The following TNNI3K variants were observed in gnomAD, a reference collection of about 807,000 sequenced individuals.
TNNI3K encodes the protein TNNI3 interacting kinase.
Under a neutral mutation model 114.5 loss-of-function variants are expected in TNNI3K, and 140 were observed. That is an observed-to-expected ratio of 1.22 (90% CI 1.07 to 1.41). The LOEUF (loss-of-function observed/expected upper bound fraction) is 1.41, where lower values mean the gene tolerates loss of function less well. TNNI3K is among the 40% of genes most tolerant of loss of function. TNNI3K has a pLI of 0.00. For missense variants in TNNI3K, 1,125 were observed against 1,007.6 expected, an observed-to-expected ratio of 1.12 and a Z score of -1.58; for synonymous variants, 347 against 347.5, an observed-to-expected ratio of 1.00 and a Z score of 0.02.
chr1:74,528,532 C>T (rs928256602), intron 23 of TNNI3K, among the ~76,000 whole-genome samples: 9 of 152,082 alleles, frequency 5.9e-5, no homozygotes, highest in African/African-American at 2.2e-4. Flanking sequence ...GAGATTTGTA[C>T]ATTCAGGGAC....
At chr1:74,254,949 A>G (rs957420642) in intron 4 of TNNI3K, among the ~76,000 whole-genome samples, 1 of 152,126 alleles carries the variant, frequency 6.6e-6, no homozygotes, top group Non-Finnish European at 1.5e-5. Flanking sequence ...TAATTGCTAT[A>G]TTTTGCAAGA....
At chr1:74,292,133 G>A (rs182319269) in intron 5 of TNNI3K, among the ~76,000 whole-genome samples, 349 of 150,782 alleles carry the variant, frequency 2.3e-3, no homozygotes, top group Non-Finnish European at 4.0e-3. Context: ...TCTTTTTGTC[G>A]GTCTTATCAG....
At chr1:74,247,258 A>G (rs1371278924) in intron 2 of TNNI3K, among the ~76,000 whole-genome samples, 1 of 151,968 alleles carries the variant, frequency 6.6e-6, no homozygotes, top group Non-Finnish European at 1.5e-5. Flanking sequence ...TGAGTGTTAC[A>G]GCTCTTACCG....
chr1:74,431,873 C>A (rs996642419), intron 17 of TNNI3K, among the ~76,000 whole-genome samples: 3 of 152,110 alleles, frequency 2.0e-5, no homozygotes, highest in Non-Finnish European at 2.9e-5. Context: ...AGAAATCACA[C>A]TTATTTAGAT....
chr1:74,364,158 C>A (rs903729929), intron 11 of TNNI3K, among the ~76,000 whole-genome samples: 3 of 150,852 alleles, frequency 2.0e-5, no homozygotes, highest in African/African-American at 7.4e-5. Context: ...TGCTACCATG[C>A]CCCACTAATT....
chr1:74,361,916 C>T (rs536258944), intron 11 of TNNI3K, among the ~76,000 whole-genome samples: 1 of 152,176 alleles, frequency 6.6e-6, no homozygotes, highest in East Asian at 1.9e-4. Flanking sequence ...AGCATTCATG[C>T]CTGTGGATTC....
At chr1:74,475,370 C>T in intron 21 of TNNI3K, 1 of 716,342 alleles carries the variant, frequency 1.4e-6, no homozygotes, top group Admixed American at 2.0e-5. Context: ...AGCTTTTGAA[C>T]TTTCCTTGGA....
chr1:74,250,291 A>T (rs1397296369), intron 3 of TNNI3K, among the ~76,000 whole-genome samples: 2 of 152,176 alleles, frequency 1.3e-5, no homozygotes, highest in Admixed American at 6.5e-5. Context: ...TATTTCTTTG[A>T]TCTAAATAAG....
rs531779352 is a variant in TNNI3K at position 74,252,375 on chromosome 1, A to T, written c.333+1606A>T. ...CTTGGGAAACAAAGCAGGCAAAAAT[A>T]TTAAAAGGCCATAAGAAAATGCATA... is the stretch of plus-strand genomic sequence containing the variant. On this transcript the variant is annotated intron_variant, in intron 4 of 24. Transcript: ENST00000326637. 2.3e-3 allele frequency among the ~76,000 whole-genome samples: 358 copies of T among 152,372 alleles called. 1 individual carries two copies. The highest frequency in any genetic ancestry group is 0.014 in the Middle Eastern group (4 of 294).
chr1:74,319,438 T>C (rs1221398097), intron 5 of TNNI3K, among the ~76,000 whole-genome samples: 3 of 152,340 alleles, frequency 2.0e-5, no homozygotes, highest in South Asian at 2.1e-4. Context: ...CTTAGCCTCA[T>C]GTAGAAGCAA....
chr1:74,336,128 G>A lies in TNNI3K; in HGVS notation c.661G>A (p.Glu221Lys). Reference sequence around the variant, plus strand: ...CTTGAATATTGCAAAACTCTTGATGGAAGAAGGCAGCAAAGCAGATGGTAA... The same window carrying A: ...CTTGAATATTGCAAAACTCTTGATGAAAGAAGGCAGCAAAGCAGATGGTAA... ...GFLNIAKLLM[E>K]EGSKADVNAQ... The change falls in exon 7 of 25, where the codon GAA (glutamate) becomes AAA (lysine). Residue 221 changes from glutamate (E) to lysine (K), a missense_variant. Coordinates refer to ENST00000326637, the MANE Select transcript of TNNI3K (RefSeq NM_015978.3). 2 of 1,603,414 alleles carry A rather than the reference G, an allele frequency of 1.2e-6. No individual in the cohort carries two copies. Among genetic ancestry groups the A allele is most frequent in the Admixed American group, 3.5e-5 (2 of 56,660 alleles).
intron 9 of TNNI3K, among the ~76,000 whole-genome samples, chr1:74,344,681 A>G (rs573081783): frequency 4.6e-5 from 7 of 152,168 alleles, no homozygotes; most frequent in Non-Finnish European, 5.9e-5. Flanking sequence ...TACTTCATGC[A>G]CTAAAATTAA....
At chr1:74,538,717 T>C (rs1327753335) in intron 23 of TNNI3K, among the ~76,000 whole-genome samples, 2 of 152,110 alleles carry the variant, frequency 1.3e-5, no homozygotes, top group Non-Finnish European at 2.9e-5. Flanking sequence ...CAGTCATAGA[T>C]GAAGGCAGGG....
At chr1:74,430,092 G>A (rs1450592496) in intron 17 of TNNI3K, among the ~76,000 whole-genome samples, 1 of 152,034 alleles carries the variant, frequency 6.6e-6, no homozygotes, top group East Asian at 1.9e-4. Flanking sequence ...AATGGTAGTG[G>A]AGTGAAAGTA....
Position 74,367,959 on chromosome 1 carries a change from CA to C in TNNI3K, c.1320del (p.Glu441ArgfsTer8). ...PSPLGKIKSM[T>X]KEKADILLLR... is the part of the protein sequence containing the mutation. The stretch of plus-strand genomic sequence containing the variant: ...CCCTTGGGGAAGATTAAAAGCATGA[CA>C]AAAGGTACCTATAATCTGGGACAAT... On this transcript the variant is annotated frameshift_variant, in exon 13 of 25. Transcript: ENST00000326637. LOFTEE classifies it high-confidence loss of function. 1.3e-6 allele frequency: 2 copies of C among 1,562,840 alleles called. No individual in the cohort carries two copies. Among genetic ancestry groups the C allele is most frequent in the South Asian group, 1.2e-5 (1 of 80,498 alleles).
intron 17 of TNNI3K, among the ~76,000 whole-genome samples, chr1:74,387,294 C>CA (rs1663534244): frequency 6.6e-6 from 1 of 151,628 alleles, no homozygotes; most frequent in African/African-American, 2.4e-5. Flanking sequence ...TCAAAGAAAC[C>CA]AAAAAAAGCA....
intron 23 of TNNI3K, among the ~76,000 whole-genome samples, chr1:74,534,237 A>G (rs550822143): frequency 2.1e-4 from 32 of 152,220 alleles, no homozygotes; most frequent in Middle Eastern, 3.4e-3. Flanking sequence ...CTTTCAAGCC[A>G]TGTAAAATAG....
At chr1:74,237,671 C>T (rs771358644) in intron 2 of TNNI3K, among the ~76,000 whole-genome samples, 13 of 151,966 alleles carry the variant, frequency 8.6e-5, no homozygotes, top group Non-Finnish European at 1.5e-4. Flanking sequence ...CTATAATGGA[C>T]TTTTCCTGTG....
chr1:74,468,390 C>G (rs1448241746), intron 21 of TNNI3K: 2 of 152,102 alleles, frequency 1.3e-5, no homozygotes, highest in East Asian at 3.9e-4. Flanking sequence ...AGATACTCGT[C>G]TCACCTTAAA....
Sources: allele counts gnomAD v4.1 joint callset (sites outside exome capture counted in the v4.1 genomes callset), GRCh38; gene constraint gnomAD v4.1.1; transcripts MANE v1.5; gene names NCBI Gene and HGNC (gene_info 2026-07-23, HGNC 2026-07-21).